The following AQP11 variants were observed in gnomAD, a reference collection of about 807,000 sequenced individuals.
The protein encoded by AQP11 is aquaporin 11, also known as aquaporin-11.
In AQP11, 20 loss-of-function variants were observed where a neutral mutation model predicts 21.1. The observed-to-expected ratio is 0.95, with a 90% CI of 0.67 to 1.38. The LOEUF is 1.38. AQP11 is among the 40% of genes most tolerant of loss of function. The pLI, the probability that AQP11 is intolerant of heterozygous loss-of-function variation, is 0.00. For missense variants in AQP11, 339 were observed against 340.4 expected (o/e 1.00, Z 0.03); for synonymous variants, 167 against 150.1 (o/e 1.11, Z -0.82).
intron 1 of AQP11, among the ~76,000 whole-genome samples, chr11:77,597,393 G>T (rs757059885): frequency 1.3e-5 from 2 of 152,140 alleles, no homozygotes. Flanking sequence ...CCAAAATGGC[G>T]AAACCCAGTC....
Position 77,590,530 on chromosome 11 carries a change from G to A in AQP11, c.538G>A (p.Ala180Thr). Residue 180 changes from alanine (A) to threonine (T), a missense_variant, in exon 1 of 3, where the codon GCT becomes ACT. Physicochemically the swap from Ala to Thr is moderately conservative, Grantham distance 58. Transcript: ENST00000313578. Reference protein sequence around the residue: ...EAVCSFLFHSALLHFQEVRTK... With the variant: ...EAVCSFLFHSTLLHFQEVRTK... ...CGTCTGCTCCTTTCTCTTCCACAGC[G>A]CTCTGCTGCACTTCCAGGAAGTCCG... 1 of 1,614,154 alleles carries A rather than the reference G, an allele frequency of 6.2e-7. No homozygotes were observed. Among genetic ancestry groups the A allele is most frequent in the Non-Finnish European group, 8.5e-7 (1 of 1,180,038 alleles).
intron 1 of AQP11, among the ~76,000 whole-genome samples, chr11:77,595,172 C>T (rs192362323): frequency 4.5e-4 from 68 of 151,514 alleles, no homozygotes; most frequent in African/African-American, 1.6e-3. Flanking sequence ...AGAAACCCCA[C>T]CTCTACTAAA....
Position 77,604,347 on chromosome 11 carries a change from A to G in AQP11, c.736+675A>G, listed in dbSNP as rs374838393. On this transcript the variant is annotated intron_variant, in intron 2 of 2. Transcript: ENST00000313578. ...CTCAGGCTACATTCCAGTTACTTCTATTTAGATCAGATATATAAACTCTTT... is the reference window on the plus strand; with the variant it reads ...CTCAGGCTACATTCCAGTTACTTCTGTTTAGATCAGATATATAAACTCTTT... Among the ~76,000 whole-genome samples the G allele has an allele frequency of 5.3e-5, 8 of 152,300 alleles. No homozygotes were observed. The East Asian group carries it at 1.4e-3, about 26-fold the overall frequency.
intron 1 of AQP11, 169 bp downstream of exon 1, chr11:77,590,780 C>T (rs1435491815): frequency 2.0e-6 from 2 of 985,304 alleles, no homozygotes; most frequent in Non-Finnish European, 2.4e-6. Flanking sequence ...AGGGCCGACA[C>T]GTAGAGCCTT....
chr11:77,598,289 T>C (rs1041579976), intron 1 of AQP11, among the ~76,000 whole-genome samples: 15 of 152,244 alleles, frequency 9.9e-5, no homozygotes, highest in African/African-American at 3.4e-4. Context: ...TTTAGGAATA[T>C]TGAGAAACTT....
chr11:77,608,622 C>T (rs187658235), intron 2 of AQP11, among the ~76,000 whole-genome samples: 216 of 152,256 alleles, frequency 1.4e-3, no homozygotes, highest in Non-Finnish European at 2.4e-3. Context: ...CAAAAACAAA[C>T]AAATAAACAA....
Position 77,590,555 on chromosome 11 carries a change from G to C in AQP11, c.563G>C (p.Arg188Pro), listed in dbSNP as rs750736920. ...HSALLHFQEV[R>P]TKLRIHLLAA... The stretch of plus-strand genomic sequence containing the variant: ...GCTCTGCTGCACTTCCAGGAAGTCC[G>C]AACCAAGCTTCGTATCCACCTGCTG... Residue 188 changes from arginine to proline, a missense_variant, in exon 1 of 3, where the codon CGA becomes CCA. Transcript: ENST00000313578. The C allele has an allele frequency of 1.2e-6, 2 of 1,614,134 alleles. No homozygotes were observed. The highest frequency in any genetic ancestry group is 1.1e-5 in the South Asian group (1 of 91,074).
At chr11:77,595,806 A>T (rs1958775030) in intron 1 of AQP11, among the ~76,000 whole-genome samples, 1 of 152,096 alleles carries the variant, frequency 6.6e-6, no homozygotes, top group South Asian at 2.1e-4. Flanking sequence ...CTGTAATCCC[A>T]GCTACTTGGG....
intron 1 of AQP11, among the ~76,000 whole-genome samples, chr11:77,596,228 T>C (rs1590782978): frequency 1.3e-5 from 2 of 151,702 alleles, no homozygotes; most frequent in East Asian, 2.0e-4. Flanking sequence ...GTCACTACTC[T>C]ACTATTCTTT....
At chr11:77,604,396 C>T (rs1465554817) in intron 2 of AQP11, among the ~76,000 whole-genome samples, 1 of 152,164 alleles carries the variant, frequency 6.6e-6, no homozygotes, top group Non-Finnish European at 1.5e-5. Context: ...AAATAACACA[C>T]AAAATTATAC....
chr11:77,599,086 G>C (rs1958800072), intron 1 of AQP11, among the ~76,000 whole-genome samples: 1 of 152,082 alleles, frequency 6.6e-6, no homozygotes, highest in African/African-American at 2.4e-5. Context: ...TCTCCATGTT[G>C]GTCAGGCTGG....
At chr11:77,604,832 G>C (rs1043282811) in intron 2 of AQP11, among the ~76,000 whole-genome samples, 2 of 152,192 alleles carry the variant, frequency 1.3e-5, no homozygotes, top group African/African-American at 4.8e-5. Context: ...TTAAATGCTA[G>C]TAATATAACT....
intron 2 of AQP11, among the ~76,000 whole-genome samples, 182 bp from the exon 3 acceptor site, chr11:77,609,116 T>C (rs1388411357): frequency 1.3e-5 from 2 of 152,328 alleles, no homozygotes; most frequent in Middle Eastern, 3.4e-3. Flanking sequence ...ATATTAGATT[T>C]AAATCTGAGA....
rs191440096 is a variant in AQP11, at chr11:77,606,609, G to A, written c.737-2689G>A. Among the ~76,000 whole-genome samples, 122 of 152,286 alleles carry A rather than the reference G, an allele frequency of 8.0e-4. 2 individuals are homozygous for A. Among genetic ancestry groups the A allele is most frequent in the Non-Finnish European group, 1.6e-3 (107 of 68,024 alleles). On this transcript the variant is annotated intron_variant, in intron 2 of 2. Transcript: ENST00000313578. ...GTGTCACCCAGGCTGGAGTGCAGTG[G>A]TGCAATCTTGGCTGCAACCTCTGCC...
chr11:77,602,738 A>C (rs1300731263), intron 1 of AQP11, among the ~76,000 whole-genome samples: 2 of 152,200 alleles, frequency 1.3e-5, no homozygotes, highest in Non-Finnish European at 2.9e-5. Context: ...CAATAATAAA[A>C]CTTCTGAAGA....
At chr11:77,598,625 C>A (rs552123322) in intron 1 of AQP11, among the ~76,000 whole-genome samples, 6 of 152,316 alleles carry the variant, frequency 3.9e-5, no homozygotes, top group African/African-American at 1.4e-4. Context: ...ATGCCTGTTT[C>A]CTTTCCTTCC....
intron 2 of AQP11, among the ~76,000 whole-genome samples, chr11:77,604,724 TTATTGTTATGCTCAATATCA>T (rs1477169332): frequency 6.6e-5 from 10 of 152,226 alleles, no homozygotes; most frequent in South Asian, 4.1e-4. Flanking sequence ...CACATTAATG[TTATTGTTATGCTCAATATCA>T]TATTGTTATG....
rs559793551 is a variant in AQP11 at position 77,598,276 on chromosome 11, C to A, written c.620-5280C>A. 7.2e-5 allele frequency among the ~76,000 whole-genome samples: 11 copies of A among 152,288 alleles called. No homozygotes were observed. The East Asian group carries it at 2.1e-3, about 29-fold the overall frequency. Reference sequence around the variant, plus strand: ...TTCTTCTGTCACAGAGAATTTTATTCCCTTTAGGAATATTGAGAAACTTTA... The same window carrying A: ...TTCTTCTGTCACAGAGAATTTTATTACCTTTAGGAATATTGAGAAACTTTA... On this transcript the variant is annotated intron_variant, in intron 1 of 2. Coordinates refer to ENST00000313578, the MANE Select transcript of AQP11 (RefSeq NM_173039.3).
At chr11:77,590,762 T>G (rs1958743080) in intron 1 of AQP11, 151 bp downstream of exon 1, 3 of 1,476,122 alleles carry the variant, frequency 2.0e-6, no homozygotes, top group Non-Finnish European at 2.7e-6. Context: ...AGCCCGTTCT[T>G]AACCAGTAGG....
Sources: gnomAD v4.1 joint callset for allele counts (sites outside exome capture counted in the v4.1 genomes callset) on GRCh38, gnomAD v4.1.1 for gene constraint, MANE v1.5 for transcripts, NCBI Gene and HGNC (gene_info 2026-07-23, HGNC 2026-07-21) for gene names.